Variants in COL4A4 observed in about 807,000 individuals in gnomAD.
COL4A4 encodes the protein collagen type IV alpha 4 chain.
A neutral mutation model predicts 192.9 loss-of-function variants in COL4A4; 105 were observed. The ratio of observed to expected loss-of-function variants is 0.54; its 90% CI spans 0.46 to 0.64. COL4A4 has a LOEUF of 0.64. COL4A4 is among the 30% of genes least tolerant of loss of function. The pLI, the probability that COL4A4 is intolerant of heterozygous loss-of-function variation, is 0.00. For synonymous variants in COL4A4, 762 were observed against 769.9 expected (o/e 0.99, Z 0.17); for missense variants, 1,967 against 2,169.3 (o/e 0.91, Z 1.85).
chr2:227,134,871 A>G (rs2062710516), intron 4 of COL4A4, among the ~76,000 whole-genome samples: 1 of 152,210 alleles, frequency 6.6e-6, no homozygotes, highest in Admixed American at 6.5e-5. Flanking sequence ...TAATTTTGCA[A>G]TTGTTATACT....
At chr2:226,968,396 C>G in the COL4A4 span, among the ~76,000 whole-genome samples, 2 of 152,182 alleles carry the variant, frequency 1.3e-5, no homozygotes, top group Non-Finnish European at 1.5e-5. Context: ...AAGCTGTAGT[C>G]CACAAGCAGA....
At chr2:227,001,797 G>A (rs1961021732), downstream of COL4A4, among the ~76,000 whole-genome samples, 1 of 151,004 alleles carries the variant, frequency 6.6e-6, no homozygotes, top group Non-Finnish European at 1.5e-5. Context: ...GACGGTCAGG[G>A]AATGTTTGTT....
Position 227,090,575 on chromosome 2 carries a change from C to T in COL4A4, c.1370-618G>A, listed in dbSNP as rs536979710. On this transcript the variant is annotated intron_variant, in intron 20 of 47. Transcript: ENST00000396625. ...ACCAGCCTGGCCAACATGGTAAAAC[C>T]CCCCCCATCTCTGCAAAATCACAAA... 5.3e-5 allele frequency among the ~76,000 whole-genome samples: 8 copies of T among 151,480 alleles called. No individual in the cohort carries two copies. In the South Asian group the frequency reaches 6.3e-4, roughly 12 times the overall value.
At chr2:227,091,922 G>GAAAGAAAAGA (rs1553674153) in intron 20 of COL4A4, among the ~76,000 whole-genome samples, 46 of 60,338 alleles carry the variant, frequency 7.6e-4, no homozygotes, top group Non-Finnish European at 1.1e-3. Flanking sequence ...AAGAAAGAAA[G>GAAAGAAAAGA]AAAGAAAAGA....
In COL4A4 at chr2:227,120,812, G is replaced by A. The variant is rs894503934; in HGVS notation, c.327+202C>T. 5 of 603,282 alleles carry A rather than the reference G, an allele frequency of 8.3e-6. No homozygotes were observed. In the East Asian group the frequency reaches 1.5e-4, roughly 18 times the overall value. The allele number at this position is 603,282 out of a possible 1,614,324, so 37.4% of individuals were successfully genotyped here. Reference sequence around the variant, plus strand: ...AAATTAGCTGGACATGGTGGTATGTGCCTGTAATCCCAGCTACTTGGGAGG... The same window carrying A: ...AAATTAGCTGGACATGGTGGTATGTACCTGTAATCCCAGCTACTTGGGAGG... On this transcript the variant is annotated intron_variant, in intron 5 of 47. Transcript: ENST00000396625.
chr2:226,988,685 C>T, the COL4A4 span: 13 of 979,978 alleles, frequency 1.3e-5, no homozygotes, highest in Non-Finnish European at 1.6e-5. Flanking sequence ...GGTTTTCATA[C>T]TTTTTCTATC....
chr2:227,072,561 A>T (rs2058783901), intron 25 of COL4A4, among the ~76,000 whole-genome samples: 1 of 151,948 alleles, frequency 6.6e-6, no homozygotes, highest in Non-Finnish European at 1.5e-5. Context: ...CTATTAAGCT[A>T]GTATCATCCT....
At chr2:226,970,407 T>C in the COL4A4 span, among the ~76,000 whole-genome samples, 1 of 152,192 alleles carries the variant, frequency 6.6e-6, no homozygotes, top group African/African-American at 2.4e-5. Context: ...TCCCCCCTTT[T>C]TAACCTTTGT....
chr2:227,080,752 A>G (rs568071475), intron 23 of COL4A4, among the ~76,000 whole-genome samples: 8 of 152,232 alleles, frequency 5.3e-5, no homozygotes, highest in African/African-American at 1.9e-4. Flanking sequence ...TACTTGGGAA[A>G]AGCTCCTTTT....
intron 21 of COL4A4, 104 bp downstream of exon 21, chr2:227,089,764 G>T: frequency 1.1e-6 from 1 of 932,172 alleles, no homozygotes; most frequent in South Asian, 1.4e-5. Context: ...TGACTAAGGT[G>T]AGTAACAAAT....
chr2:226,984,045 G>A, the COL4A4 span, among the ~76,000 whole-genome samples: 1 of 152,180 alleles, frequency 6.6e-6, no homozygotes, highest in Admixed American at 6.5e-5. Context: ...GGGAGCTGCT[G>A]TCTCCGGCAA....
At chr2:226,993,218 G>A in the COL4A4 span, among the ~76,000 whole-genome samples, 45 of 152,158 alleles carry the variant, frequency 3.0e-4, no homozygotes, top group African/African-American at 9.7e-4. Context: ...TTGAAGAAAC[G>A]CTAAAGAAAA....
At chr2:226,989,493 G>A in the COL4A4 span, among the ~76,000 whole-genome samples, 1 of 152,218 alleles carries the variant, frequency 6.6e-6, no homozygotes, top group Non-Finnish European at 1.5e-5. Context: ...CACATGTCCA[G>A]TTTGTGAAAA....
At chr2:227,149,391 G>A (rs1237546073) in intron 1 of COL4A4, among the ~76,000 whole-genome samples, 3 of 152,070 alleles carry the variant, frequency 2.0e-5, no homozygotes, top group Admixed American at 6.6e-5. Context: ...TAGGTCCCTA[G>A]TTTCTGTTTC....
chr2:227,025,415 A>G (rs1389535944), intron 43 of COL4A4, among the ~76,000 whole-genome samples: 3 of 152,180 alleles, frequency 2.0e-5, no homozygotes, highest in Admixed American at 2.0e-4. Flanking sequence ...GTGAGGCCCC[A>G]TTTTTTAATG....
intron 26 of COL4A4, among the ~76,000 whole-genome samples, chr2:227,061,562 C>A (rs890152450): frequency 1.3e-5 from 2 of 152,174 alleles, no homozygotes; most frequent in African/African-American, 4.8e-5. Flanking sequence ...AACCTGCAGA[C>A]CCATAAGATA....
chr2:227,077,989 C>T lies in COL4A4; in HGVS notation c.1892G>A (p.Gly631Glu). Reference sequence around the variant, plus strand: ...TCCTGGTGGACCAGGAAATCCCAGTCCTGGGGGCCCCACAGGTCCTGCTTT... The same window carrying T: ...TCCTGGTGGACCAGGAAATCCCAGTTCTGGGGGCCCCACAGGTCCTGCTTT... ...PGKAGPVGPP[G>E]LGFPGPPGER... The change falls in exon 25 of 48, where the codon GGA becomes GAA. Residue 631 changes from glycine to glutamate, a missense_variant. Coordinates refer to ENST00000396625, the MANE Select transcript of COL4A4 (RefSeq NM_000092.5). 1 of 1,613,882 alleles carries T rather than the reference C, an allele frequency of 6.2e-7. No individual in the cohort carries two copies. Among genetic ancestry groups the T allele is most frequent in the South Asian group, 1.1e-5 (1 of 91,058 alleles).
At chr2:227,055,678 G>A (rs1975161234) in intron 30 of COL4A4, among the ~76,000 whole-genome samples, 3 of 152,028 alleles carry the variant, frequency 2.0e-5, no homozygotes, top group South Asian at 2.1e-4. Context: ...CACCCTTCCC[G>A]ACCCTAGGAG....
At chr2:227,038,847 T>A (rs1384632298) in intron 37 of COL4A4, among the ~76,000 whole-genome samples, 2 of 152,268 alleles carry the variant, frequency 1.3e-5, no homozygotes, top group South Asian at 2.1e-4. Context: ...CATTTTTATA[T>A]CAGCATGATA....
Sources: gnomAD v4.1 joint callset for allele counts (sites outside exome capture counted in the v4.1 genomes callset) on GRCh38, gnomAD v4.1.1 for gene constraint, MANE v1.5 for transcripts, NCBI Gene and HGNC (gene_info 2026-07-23, HGNC 2026-07-21) for gene names.